Variants in TBL1XR1 observed in about 807,000 individuals in gnomAD.
TBL1XR1 encodes TBL1X/Y related 1, also known as F-box-like/WD repeat-containing protein TBL1XR1.
In TBL1XR1, 5 loss-of-function variants were observed where a neutral mutation model predicts 66.9. The ratio of observed to expected loss-of-function variants is 0.07; its 90% confidence interval spans 0.04 to 0.16. TBL1XR1 has a LOEUF of 0.16. Ranked by LOEUF, TBL1XR1 falls within the 10% of genes least tolerant of loss-of-function variation. The pLI, the probability that TBL1XR1 is intolerant of heterozygous loss-of-function variation, is 1.00. For missense variants in TBL1XR1, 238 were observed against 623.2 expected, an observed-to-expected ratio of 0.38 and a Z score of 6.58; for synonymous variants, 210 against 206.0, an observed-to-expected ratio of 1.02 and a Z score of -0.17.
intron 3 of TBL1XR1, among the ~76,000 whole-genome samples, chr3:177,064,107 A>G (rs895359849): frequency 3.3e-5 from 5 of 152,120 alleles, no homozygotes; most frequent in African/African-American, 9.7e-5. Context: ...TTGACTACCA[A>G]AATTATCTTT....
At chr3:177,054,052 G>A in intron 3 of TBL1XR1, 134 bp from the exon 4 acceptor site, 4 of 543,882 alleles carry the variant, frequency 7.4e-6, no homozygotes, top group Non-Finnish European at 9.2e-6. Flanking sequence ...GGTCGTGTGT[G>A]TGTGTGTGTG....
At chr3:177,122,885 G>A (rs887235033) in intron 1 of TBL1XR1, among the ~76,000 whole-genome samples, 1 of 152,130 alleles carries the variant, frequency 6.6e-6, no homozygotes, top group African/African-American at 2.4e-5. Context: ...GCTTATTACA[G>A]TTGAATGTGG....
At chr3:177,096,335 TAC>T (rs6148210) in intron 2 of TBL1XR1, among the ~76,000 whole-genome samples, 58 of 150,310 alleles carry the variant, frequency 3.9e-4, no homozygotes, top group African/African-American at 8.8e-4. Flanking sequence ...CATACATACA[TAC>T]ACACACACAC....
At chr3:177,181,836 A>AC (rs35856346) in intron 1 of TBL1XR1, among the ~76,000 whole-genome samples, 70,320 of 149,560 alleles carry the variant, frequency 0.47, 17,637 homozygotes, top group Non-Finnish European at 0.56. Context: ...AAAAAAAAAA[A>AC]ACACACACAT....
intron 1 of TBL1XR1, among the ~76,000 whole-genome samples, chr3:177,146,349 T>A (rs1375937000): frequency 6.6e-6 from 1 of 151,808 alleles, no homozygotes; most frequent in Non-Finnish European, 1.5e-5. Context: ...TGCAATGGCG[T>A]GATCTCGGCT....
chr3:177,026,574 AGAG>A, intron 14 of TBL1XR1, 100 bp from the exon 15 acceptor site: 2 of 824,854 alleles, frequency 2.4e-6, no homozygotes, highest in Admixed American at 3.5e-5. Flanking sequence ...TCTAGCAATC[AGAG>A]GAGGGACTTA....
chr3:177,196,602 C>A (rs1453336749), intron 1 of TBL1XR1: 1 of 150,628 alleles, frequency 6.6e-6, no homozygotes, highest in Non-Finnish European at 1.5e-5. Flanking sequence ...GGGAGATTTC[C>A]ATTGCCGCCC....
chr3:177,148,365 A>T (rs1207777700), intron 1 of TBL1XR1, among the ~76,000 whole-genome samples: 1 of 152,270 alleles, frequency 6.6e-6, no homozygotes, highest in Non-Finnish European at 1.5e-5. Flanking sequence ...ACTAGAAATT[A>T]GAATTTAAAA....
chr3:177,046,052 AAATT>A, intron 10 of TBL1XR1, 73 bp downstream of exon 10: 3 of 1,123,146 alleles, frequency 2.7e-6, no homozygotes, highest in Non-Finnish European at 3.8e-6. Context: ...CATTTAAAAT[AAATT>A]ATATGCTGTT....
chr3:177,065,441 T>A (rs1358661208), intron 2 of TBL1XR1, among the ~76,000 whole-genome samples: 1 of 152,178 alleles, frequency 6.6e-6, no homozygotes, highest in Non-Finnish European at 1.5e-5. Flanking sequence ...TTGGGTGGGG[T>A]AGAACCATGA....
At chr3:177,157,054 A>C (rs1482854499) in intron 1 of TBL1XR1, among the ~76,000 whole-genome samples, 1 of 152,212 alleles carries the variant, frequency 6.6e-6, no homozygotes, top group Admixed American at 6.5e-5. Context: ...AGGTGTAATC[A>C]TTCCTCTCTG....
At chr3:177,151,970 G>A (rs920962713) in intron 1 of TBL1XR1, among the ~76,000 whole-genome samples, 3 of 152,168 alleles carry the variant, frequency 2.0e-5, no homozygotes, top group African/African-American at 7.2e-5. Context: ...GTTGCAGTGA[G>A]CCAAGATAGC....
chr3:177,113,242 CA>C (rs1280169870), intron 1 of TBL1XR1, among the ~76,000 whole-genome samples: 2 of 152,012 alleles, frequency 1.3e-5, no homozygotes, highest in Non-Finnish European at 2.9e-5. Context: ...AAGACTTAAG[CA>C]TAAGACTCAA....
At chr3:177,134,734 A>G (rs1393330835) in intron 1 of TBL1XR1, among the ~76,000 whole-genome samples, 3 of 152,044 alleles carry the variant, frequency 2.0e-5, no homozygotes, top group Non-Finnish European at 4.4e-5. Context: ...AAGTTACAAT[A>G]CCTCTTACAT....
intron 1 of TBL1XR1, among the ~76,000 whole-genome samples, chr3:177,125,703 T>C (rs1473853055): frequency 2.6e-5 from 4 of 152,160 alleles, no homozygotes; most frequent in African/African-American, 7.2e-5. Context: ...TGACGTGCCA[T>C]GGAGAAGTGC....
chr3:177,079,224 G>A (rs889977255), intron 2 of TBL1XR1, among the ~76,000 whole-genome samples: 2 of 151,762 alleles, frequency 1.3e-5, no homozygotes, highest in African/African-American at 4.8e-5. Context: ...GAGGTCAGGA[G>A]ATCAAGACCA....
In TBL1XR1 at chr3:177,166,110, G is replaced by C. The variant is rs573349227; in HGVS notation, c.-122+31011C>G. On this transcript the variant is annotated intron_variant, in intron 1 of 15. Coordinates refer to ENST00000457928, the MANE Select transcript of TBL1XR1 (RefSeq NM_024665.7). Reference sequence around the variant, plus strand: ...GTCCAAAAAAATGGATCATAGGCCAGGCACAGTGGGTCACACCTGTAATCC... The same window carrying C: ...GTCCAAAAAAATGGATCATAGGCCACGCACAGTGGGTCACACCTGTAATCC... 1.1e-4 allele frequency among the ~76,000 whole-genome samples: 16 copies of C among 152,176 alleles called. No homozygotes were observed. In the South Asian group the frequency reaches 3.3e-3, roughly 32 times the overall value.
At position 177,102,045 on chromosome 3, in the gene TBL1XR1, T is replaced by C. The variant is rs78811724; in HGVS notation, c.-121-3504A>G. Among the ~76,000 whole-genome samples the C allele has an allele frequency of 4.6e-3, 706 of 152,306 alleles. 14 individuals are homozygous for C. The East Asian group carries it at 0.07, about 15-fold the overall frequency. On this transcript the variant is annotated intron_variant, in intron 1 of 15. Coordinates refer to ENST00000457928, the MANE Select transcript of TBL1XR1 (RefSeq NM_024665.7). The stretch of plus-strand genomic sequence containing the variant: ...TACACATATAACACACAAACTTACA[T>C]ACATCTACCTTTATAGAATGCTAAA...
chr3:177,176,576 G>A (rs989493135), intron 1 of TBL1XR1, among the ~76,000 whole-genome samples: 2 of 149,332 alleles, frequency 1.3e-5, no homozygotes, highest in African/African-American at 4.9e-5. Flanking sequence ...ACTTTGGGAG[G>A]CCAAGGCAGG....
Sources: allele counts gnomAD v4.1 joint callset (sites outside exome capture counted in the v4.1 genomes callset), GRCh38; gene constraint gnomAD v4.1.1; transcripts MANE v1.5; gene names NCBI Gene and HGNC (gene_info 2026-07-23, HGNC 2026-07-21).